Variants in MRM1 observed in about 807,000 individuals in gnomAD.
MRM1 encodes rRNA methyltransferase 1, mitochondrial.
A neutral mutation model predicts 25.0 loss-of-function variants in MRM1; 24 were observed. That is an observed-to-expected ratio of 0.96 (90% confidence interval 0.69 to 1.35). MRM1 has a LOEUF of 1.35. MRM1 is among the 40% of genes most tolerant of loss of function. The pLI is 0.00. For missense variants in MRM1, 431 were observed against 464.1 expected (o/e 0.93, Z 0.65); for synonymous variants, 188 against 199.2 (o/e 0.94, Z 0.47).
chr17:36,606,528 T>TCTC (rs1002135661), intron 2 of MRM1, among the ~76,000 whole-genome samples: 1 of 151,588 alleles, frequency 6.6e-6, no homozygotes, highest in African/African-American at 2.4e-5. Context: ...GATCCTCGTG[T>TCTC]CTCCTGAGTA....
the MRM1 span, among the ~76,000 whole-genome samples, chr17:36,620,212 T>C: frequency 6.6e-6 from 1 of 151,540 alleles, no homozygotes; most frequent in South Asian, 2.1e-4. Context: ...ATCCTATTTT[T>C]CTACTTCTGC....
chr17:36,602,045 G>T lies in MRM1; in HGVS notation c.235G>T (p.Ala79Ser). ...VARLLLQAGK[A>S]GLQGKRAELL... ...CCGGCTCCTGCTCCAGGCGGGTAAA[G>T]CTGGGCTGCAGGGGAAGCGGGCCGA... The change falls in exon 1 of 5, where the codon GCT (alanine) becomes TCT (serine). Residue 79 changes from alanine (A) to serine (S), a missense_variant. Physicochemically the swap from Ala to Ser is moderately conservative, Grantham distance 99 (BLOSUM62 1). Transcript: ENST00000614766. This position sits in a 1 kb window ranked among gnomAD's most constrained non-coding sequence, Gnocchi z 4.1. The T allele has an allele frequency of 6.2e-7, 1 of 1,610,346 alleles. No individual in the cohort carries two copies. The highest frequency in any genetic ancestry group is 1.7e-5 in the Admixed American group (1 of 59,990).
chr17:36,613,626 C>T (rs901044286), downstream of MRM1, among the ~76,000 whole-genome samples: 1 of 152,198 alleles, frequency 6.6e-6, no homozygotes, highest in South Asian at 2.1e-4. Context: ...CATGTGGAAG[C>T]GGAGAGCAGG....
Position 36,602,026 on chromosome 17 carries a change from C to T in MRM1, c.216C>T (p.Leu72=), listed in dbSNP as rs751702353. ...CCGCCCGCCGCTCTGTGGCCCGGCT[C>T]CTGCTCCAGGCGGGTAAAGCTGGGC... The part of the protein sequence containing the change: ...LQAARRSVAR[L]LLQAGKAGLQ... The change falls in exon 1 of 5, where the codon CTC becomes CTT. Residue 72 remains leucine (L), a synonymous_variant. Transcript: ENST00000614766. The surrounding 1 kb of genome is among the most constrained non-coding windows in gnomAD (Gnocchi z 4.1). 1 of 1,611,142 alleles carries T rather than the reference C, an allele frequency of 6.2e-7. No individual in the cohort carries two copies. Among genetic ancestry groups the T allele is most frequent in the Non-Finnish European group, 8.5e-7 (1 of 1,178,854 alleles).
At chr17:36,621,428 C>T in the MRM1 span, among the ~76,000 whole-genome samples, 49,118 of 151,690 alleles carry the variant, frequency 0.32, 9,507 homozygotes, top group African/African-American at 0.54. Flanking sequence ...TGACATCCTG[C>T]CTGTCTGTCT....
At chr17:36,629,009 T>C in the MRM1 span, among the ~76,000 whole-genome samples, 1 of 152,106 alleles carries the variant, frequency 6.6e-6, no homozygotes, top group African/African-American at 2.4e-5. Context: ...GAGTGCAGGC[T>C]TCATGCACAC....
At chr17:36,621,342 G>A in the MRM1 span, among the ~76,000 whole-genome samples, 10 of 151,978 alleles carry the variant, frequency 6.6e-5, no homozygotes, top group Admixed American at 5.9e-4. Flanking sequence ...AACCCAACAG[G>A]GCCACAGTAT....
chr17:36,629,966 G>A, the MRM1 span, among the ~76,000 whole-genome samples: 1 of 152,204 alleles, frequency 6.6e-6, no homozygotes, highest in African/African-American at 2.4e-5. Flanking sequence ...AGATGTGACT[G>A]AAGGATCAGC....
chr17:36,603,015 G>A, intron 2 of MRM1: 1 of 985,206 alleles, frequency 1.0e-6, no homozygotes, highest in Non-Finnish European at 1.2e-6. Context: ...CAGCTTGAAA[G>A]GATGTTTGAA....
the MRM1 span, among the ~76,000 whole-genome samples, chr17:36,619,682 A>G: frequency 1.3e-3 from 199 of 151,898 alleles, no homozygotes; most frequent in Non-Finnish European, 1.8e-4. Flanking sequence ...AAAAAAAAAG[A>G]CGCTGCCTTC....
the MRM1 span, among the ~76,000 whole-genome samples, chr17:36,624,786 A>C: frequency 6.6e-6 from 1 of 152,062 alleles, no homozygotes; most frequent in Non-Finnish European, 1.5e-5. The surrounding 1 kb of genome is among the most constrained non-coding windows in gnomAD (Gnocchi z 4.0). Context: ...TTCTTGTAGC[A>C]TAGGGATAAT....
chr17:36,613,476 T>G (rs575437277), downstream of MRM1, among the ~76,000 whole-genome samples: 2 of 151,962 alleles, frequency 1.3e-5, no homozygotes, highest in Non-Finnish European at 2.9e-5. Context: ...GAGGCAGGGG[T>G]CTTCCCTGCA....
the MRM1 span, among the ~76,000 whole-genome samples, chr17:36,620,330 T>C: frequency 8.5e-5 from 13 of 152,152 alleles, no homozygotes; most frequent in African/African-American, 2.9e-4. Context: ...TCAGGGACTA[T>C]TGCAACAGTT....
At chr17:36,605,194 G>A (rs1330504715) in intron 2 of MRM1, among the ~76,000 whole-genome samples, 3 of 150,488 alleles carry the variant, frequency 2.0e-5, no homozygotes, top group African/African-American at 7.3e-5. Context: ...TTGCTGTGTT[G>A]CCCAGCCTGG....
At chr17:36,609,869 A>G (rs934930023), downstream of MRM1, among the ~76,000 whole-genome samples, 6 of 152,252 alleles carry the variant, frequency 3.9e-5, no homozygotes, top group Admixed American at 6.5e-5. Context: ...GATTTGTCTC[A>G]ATTCTAATAA....
chr17:36,604,456 C>G (rs932353817), intron 2 of MRM1, among the ~76,000 whole-genome samples: 1 of 152,218 alleles, frequency 6.6e-6, no homozygotes, highest in African/African-American at 2.4e-5. Flanking sequence ...CCCCTGACTT[C>G]CGAGCATTAG....
At chr17:36,606,457 C>G (rs944037400) in intron 2 of MRM1, among the ~76,000 whole-genome samples, 7 of 151,430 alleles carry the variant, frequency 4.6e-5, no homozygotes, top group Non-Finnish European at 1.0e-4. Flanking sequence ...CTCTGTCACC[C>G]AAGCAGGAGT....
At chr17:36,634,469 T>C in the MRM1 span, 1 of 152,182 alleles carries the variant, frequency 6.6e-6, no homozygotes, top group Non-Finnish European at 1.5e-5. Flanking sequence ...TCCCCTGGGA[T>C]ATATGTCTCC....
chr17:36,625,739 G>A, the MRM1 span, among the ~76,000 whole-genome samples: 93 of 152,090 alleles, frequency 6.1e-4, no homozygotes, highest in African/African-American at 2.1e-3. Context: ...TGGGATTACA[G>A]GTGTGAGCCA....
Sources: allele counts gnomAD v4.1 joint callset (sites outside exome capture counted in the v4.1 genomes callset), GRCh38; gene constraint gnomAD v4.1.1; non-coding constraint Gnocchi (gnomAD v3.1); transcripts MANE v1.5; gene names NCBI Gene and HGNC (gene_info 2026-07-23, HGNC 2026-07-21).